Variants in RGS7 observed in about 807,000 individuals in gnomAD.
RGS7 encodes regulator of G-protein signaling 7.
RGS7 carries 27 observed loss-of-function variants against 81.1 expected under a neutral mutation model. The observed-to-expected ratio is 0.33, with a 90% CI of 0.25 to 0.46. The LOEUF (loss-of-function observed/expected upper bound fraction) is 0.46, where lower values mean the gene tolerates loss of function less well. RGS7 is among the 20% of genes least tolerant of loss of function. RGS7 has a pLI of 1.00. For synonymous variants in RGS7, 208 were observed against 207.7 expected (o/e 1.00, Z -0.01); for missense variants, 396 against 607.4 (o/e 0.65, Z 3.66).
At chr1:241,077,031 T>C (rs1393342725) in intron 3 of RGS7, among the ~76,000 whole-genome samples, 1 of 152,234 alleles carries the variant, frequency 6.6e-6, no homozygotes, top group Non-Finnish European at 1.5e-5. Context: ...TGCCTCTCCC[T>C]GGTCAAAACA....
chr1:241,179,121 G>A (rs748101421), intron 2 of RGS7, among the ~76,000 whole-genome samples: 2 of 152,180 alleles, frequency 1.3e-5, no homozygotes, highest in Non-Finnish European at 2.9e-5. Flanking sequence ...TTGAGACAGA[G>A]TCTCACTCTG....
chr1:241,312,492 G>C (rs56332050), intron 2 of RGS7, among the ~76,000 whole-genome samples: 1,730 of 152,192 alleles, frequency 0.011, 28 homozygotes, highest in African/African-American at 0.04. Context: ...TTTCAAACTT[G>C]TTTGCATTAT....
chr1:241,069,781 A>T lies in RGS7; in HGVS notation c.175+28885T>A, dbSNP rs187819996. 2.6e-5 allele frequency among the ~76,000 whole-genome samples: 4 copies of T among 152,318 alleles called. No individual in the cohort carries two copies. The East Asian group carries it at 7.7e-4, about 29-fold the overall frequency. On this transcript the variant is annotated intron_variant, in intron 3 of 18. Transcript: ENST00000440928. ...TCTAATCAAAACCGCTGTTGATTGG[A>T]ACAGGATAATAGAAAATTCAATTGA...
chr1:241,098,610 A>T, intron 3 of RGS7, 56 bp downstream of exon 3: 1 of 1,167,164 alleles, frequency 8.6e-7, no homozygotes, highest in Non-Finnish European at 1.3e-6. Flanking sequence ...AATCAGTTTT[A>T]AAGAGTTATC....
chr1:240,950,234 A>G (rs1679335944), intron 4 of RGS7, among the ~76,000 whole-genome samples: 1 of 152,208 alleles, frequency 6.6e-6, no homozygotes, highest in African/African-American at 2.4e-5. Flanking sequence ...CTACACTTCC[A>G]GAAATCCCAC....
chr1:241,068,909 T>C (rs987190982), intron 3 of RGS7, among the ~76,000 whole-genome samples: 2 of 152,040 alleles, frequency 1.3e-5, no homozygotes, highest in African/African-American at 2.4e-5. Flanking sequence ...GTTGTTGCAA[T>C]AGGAAGGGAG....
intron 2 of RGS7, among the ~76,000 whole-genome samples, chr1:241,205,119 C>A (rs1489355804): frequency 7.2e-6 from 1 of 138,702 alleles, no homozygotes; most frequent in Non-Finnish European, 1.5e-5. Context: ...ACTCTGTCAA[C>A]AGGCTAGAGT....
intron 2 of RGS7, among the ~76,000 whole-genome samples, chr1:241,237,786 C>A (rs974951404): frequency 6.6e-6 from 1 of 152,132 alleles, no homozygotes; most frequent in East Asian, 1.9e-4. Context: ...CAGGATAAAG[C>A]CTCCAGACAC....
chr1:240,944,534 G>C (rs1327653438), intron 4 of RGS7, among the ~76,000 whole-genome samples: 1 of 151,752 alleles, frequency 6.6e-6, no homozygotes, highest in Non-Finnish European at 1.5e-5. Context: ...AGAAAGTAGG[G>C]CACTGAATTA....
intron 2 of RGS7, among the ~76,000 whole-genome samples, chr1:241,323,234 C>T (rs929621741): frequency 6.6e-6 from 1 of 152,134 alleles, no homozygotes; most frequent in Non-Finnish European, 1.5e-5. Flanking sequence ...GCTATAAGTG[C>T]CAATGAATAT....
chr1:240,837,052 C>T (rs1558329793), intron 9 of RGS7, among the ~76,000 whole-genome samples: 2 of 152,212 alleles, frequency 1.3e-5, no homozygotes, highest in African/African-American at 4.8e-5. Context: ...GGACTCTAAC[C>T]AGTACATTTG....
At chr1:241,156,806 C>A (rs1053119036) in intron 2 of RGS7, among the ~76,000 whole-genome samples, 19 of 152,154 alleles carry the variant, frequency 1.2e-4, no homozygotes, top group African/African-American at 4.3e-4. Flanking sequence ...GCCAAGTTGG[C>A]ACAACTCTGA....
chr1:240,824,493 G>A (rs1399108415), intron 10 of RGS7, among the ~76,000 whole-genome samples: 1 of 152,232 alleles, frequency 6.6e-6, no homozygotes, highest in African/African-American at 2.4e-5. Flanking sequence ...GCTTCCAGGG[G>A]CAACTGGCTG....
At chr1:241,272,857 T>C (rs1481036681) in intron 2 of RGS7, among the ~76,000 whole-genome samples, 1 of 152,230 alleles carries the variant, frequency 6.6e-6, no homozygotes, top group East Asian at 1.9e-4. Context: ...AAAAAAATTC[T>C]CCATTTCTGA....
At chr1:241,202,858 A>T (rs1406451916) in intron 2 of RGS7, among the ~76,000 whole-genome samples, 1 of 152,092 alleles carries the variant, frequency 6.6e-6, no homozygotes, top group African/African-American at 2.4e-5. Flanking sequence ...AGGAAGGGGA[A>T]TTCTAGTTTC....
intron 3 of RGS7, among the ~76,000 whole-genome samples, chr1:241,043,162 G>C (rs1288209486): frequency 6.6e-6 from 1 of 151,684 alleles, no homozygotes; most frequent in Non-Finnish European, 1.5e-5. Context: ...AGTTCAGTAG[G>C]GTATATCTGA....
chr1:241,089,069 A>C (rs987730683), intron 3 of RGS7, among the ~76,000 whole-genome samples: 4,932 of 38,412 alleles, frequency 0.13, 200 homozygotes, highest in East Asian at 0.26. Flanking sequence ...CTCTCTATAT[A>C]TATATATATA....
At chr1:240,919,347 A>T (rs967702021) in intron 6 of RGS7, among the ~76,000 whole-genome samples, 3 of 152,200 alleles carry the variant, frequency 2.0e-5, no homozygotes, top group Non-Finnish European at 2.9e-5. Context: ...TTAGCATATT[A>T]TATCCAACAA....
At chr1:241,140,107 C>T (rs888592687) in intron 2 of RGS7, among the ~76,000 whole-genome samples, 3 of 152,160 alleles carry the variant, frequency 2.0e-5, no homozygotes, top group Non-Finnish European at 4.4e-5. Flanking sequence ...GACTTTGTAC[C>T]AGGATCCCTT....
Sources: allele counts gnomAD v4.1 joint callset (sites outside exome capture counted in the v4.1 genomes callset), GRCh38; gene constraint gnomAD v4.1.1; transcripts MANE v1.5; gene names NCBI Gene and HGNC (gene_info 2026-07-23, HGNC 2026-07-21).